The following GNS variants were observed in gnomAD, a reference collection of about 807,000 sequenced individuals.
The protein encoded by GNS is glucosamine (N-acetyl)-6-sulfatase.
A neutral mutation model predicts 69.7 loss-of-function variants in GNS; 40 were observed. That is an observed-to-expected ratio of 0.57 (90% confidence interval 0.45 to 0.75). The LOEUF (loss-of-function observed/expected upper bound fraction) is 0.75. Among genes scored for constraint, GNS ranks in the 30% least tolerant of loss-of-function variants. The probability of loss-of-function intolerance (pLI) is 0.00; values close to 1 mark genes in which losing one functional copy is unlikely to be tolerated. For synonymous variants in GNS, 243 were observed against 251.6 expected (o/e 0.97, Z 0.32); for missense variants, 565 against 685.5 (o/e 0.82, Z 1.96).
chr12:64,739,565 A>C, intron 7 of GNS, 66 bp from the exon 8 acceptor site: 1 of 464,334 alleles, frequency 2.2e-6, no homozygotes, highest in Non-Finnish European at 4.1e-6. Context: ...CTATCTTGCC[A>C]AAAAAAAAAA....
At chr12:64,721,301 A>G (rs1869019674) in intron 12 of GNS, among the ~76,000 whole-genome samples, 1 of 152,230 alleles carries the variant, frequency 6.6e-6, no homozygotes, top group Non-Finnish European at 1.5e-5. Flanking sequence ...GCTCCAACCA[A>G]TCTACCAGGG....
At position 64,759,208 on chromosome 12, in the gene GNS, G is replaced by A. The variant is rs1870390898; in HGVS notation, c.69C>T (p.Ser23=). 6.5e-6 allele frequency: 10 copies of A among 1,547,340 alleles called. No individual in the cohort carries two copies. The highest frequency in any genetic ancestry group is 7.9e-6 in the Non-Finnish European group (9 of 1,145,720). The change falls in exon 1 of 14, where the codon AGC becomes AGT. Residue 23 remains serine (S), a synonymous_variant. Transcript: ENST00000258145. Reference sequence around the variant, plus strand: ...CCAGCACCAGCAGTAGCAGCGCTGGGCTGCAGGAGGGCAGGTGGCGGGGGC... The same window carrying A: ...CCAGCACCAGCAGTAGCAGCGCTGGACTGCAGGAGGGCAGGTGGCGGGGGC... ...RGSPRHLPSC[S]PALLLLVLGG... is the part of the protein sequence containing the mutation.
chr12:64,734,143 A>G (rs929813662), intron 9 of GNS, among the ~76,000 whole-genome samples: 2 of 152,222 alleles, frequency 1.3e-5, no homozygotes, highest in Non-Finnish European at 2.9e-5. Flanking sequence ...GGGGCATTTC[A>G]TGCTTCTCAA....
intron 3 of GNS, 90 bp from the exon 4 acceptor site, chr12:64,745,814 A>G (rs1338185935): frequency 1.2e-6 from 1 of 822,592 alleles, no homozygotes; most frequent in African/African-American, 1.7e-5. Context: ...TTTTTAGACC[A>G]GTGCCTGAAA....
At chr12:64,739,564 C>CAA (rs368881275) in intron 7 of GNS, 65 bp from the exon 8 acceptor site, 4,308 of 297,644 alleles carry the variant, frequency 0.014, 4 homozygotes, top group South Asian at 0.031. Context: ...ACTATCTTGC[C>CAA]AAAAAAAAAA....
At chr12:64,720,241 C>T (rs1868982950) in intron 12 of GNS, 59 bp from the exon 13 acceptor site, 8 of 1,122,820 alleles carry the variant, frequency 7.1e-6, no homozygotes, top group Middle Eastern at 2.8e-4. Flanking sequence ...TGAAGAAATA[C>T]TCTTAACGTG....
Position 64,721,638 on chromosome 12 carries a change from G to C in GNS, c.1376C>G (p.Ser459Ter). The C allele has an allele frequency of 6.3e-7, 1 of 1,598,292 alleles. No individual in the cohort carries two copies. The highest frequency in any genetic ancestry group is 8.6e-7 in the Non-Finnish European group (1 of 1,165,540). ...NNTYACVRTM[S>*]ALWNLQYCEF... is the part of the protein sequence containing the mutation. ...GCAATACTGCAAATTCCACAATGCT[G>C]ACATTGTCCTCACACAGGCATAGGT... The change falls in exon 12 of 14, where the codon TCA becomes TGA. Residue 459 changes from serine to a stop codon, truncating the protein, a stop_gained. Transcript: ENST00000258145. LOFTEE classifies it high-confidence loss of function.
rs1415171922 is a variant in GNS at position 64,743,253 on chromosome 12, A to C, written c.680T>G (p.Met227Arg). 6.2e-7 allele frequency: 1 copy of C among 1,613,112 alleles called. No homozygotes were observed. The highest frequency in any genetic ancestry group is 8.5e-7 in the Non-Finnish European group (1 of 1,179,226). ...DYKSNFEPFF[M>R]MIATPAPHSP... Reference sequence around the variant, plus strand: ...ATGAGGCGCTGGAGTGGCGATCATCATGAAGAAGGGCTCAAAGTTGGACTT... The same window carrying C: ...ATGAGGCGCTGGAGTGGCGATCATCCTGAAGAAGGGCTCAAAGTTGGACTT... The change falls in exon 6 of 14, where the codon ATG becomes AGG. Residue 227 changes from methionine (M) to arginine (R), a missense_variant. Transcript: ENST00000258145.
At position 64,759,235 on chromosome 12, in the gene GNS, G is replaced by A. The variant is rs925458413; in HGVS notation, c.42C>T (p.Gly14=). The A allele has an allele frequency of 2.2e-5, 34 of 1,542,696 alleles. No individual in the cohort carries two copies. The Admixed American group carries it at 3.2e-4, about 14-fold the overall frequency. The change falls in exon 1 of 14, where the codon GGC becomes GGT. Residue 14 remains glycine (G), a synonymous_variant. Transcript: ENST00000258145. Reference sequence around the variant, plus strand: ...TGCAGGAGGGCAGGTGGCGGGGGCTGCCCCGCCGGAGCCGACCTGGGGCTA... The same window carrying A: ...TGCAGGAGGGCAGGTGGCGGGGGCTACCCCGCCGGAGCCGACCTGGGGCTA... ...LPLAPGRLRR[G]SPRHLPSCSP... is the part of the protein sequence containing the mutation.
chr12:64,757,756 C>T (rs1006726253), intron 1 of GNS, among the ~76,000 whole-genome samples: 15 of 152,068 alleles, frequency 9.9e-5, no homozygotes, highest in South Asian at 4.1e-4. Context: ...CTATTCTATT[C>T]CAGAGGAAAT....
chr12:64,753,741 CCATAAA>C (rs1870153847), intron 1 of GNS, among the ~76,000 whole-genome samples: 1 of 152,142 alleles, frequency 6.6e-6, no homozygotes, highest in Non-Finnish European at 1.5e-5. Flanking sequence ...CCTACGGAAT[CCATAAA>C]CTCAAAAGGA....
In GNS at chr12:64,759,367, T is replaced by C; in HGVS notation, c.-91A>G. 1.1e-6 allele frequency: 1 copy of C among 876,220 alleles called. No individual in the cohort carries two copies. The highest frequency in any genetic ancestry group is 1.7e-6 in the Non-Finnish European group (1 of 589,684). 54.3% of individuals were successfully genotyped at this position (876,220 alleles called of 1,614,324 possible). Reference sequence around the variant, plus strand: ...GCGAGAGGCCGACCAGCCGAAGGAATAAAAAGCCGTGCCTTGAAGGCCGGT... The same window carrying C: ...GCGAGAGGCCGACCAGCCGAAGGAACAAAAAGCCGTGCCTTGAAGGCCGGT... On this transcript the variant is annotated 5_prime_UTR_variant, in exon 1 of 14. Transcript: ENST00000258145.
chr12:64,717,561 C>T (rs1272880919), intron 13 of GNS, among the ~76,000 whole-genome samples: 2 of 147,886 alleles, frequency 1.4e-5, no homozygotes, highest in Non-Finnish European at 1.5e-5. Context: ...AAGAGTTTCA[C>T]CATGTTGCCC....
At chr12:64,748,803 C>A (rs1384857772) in intron 2 of GNS, among the ~76,000 whole-genome samples, 1 of 152,106 alleles carries the variant, frequency 6.6e-6, no homozygotes, top group Non-Finnish European at 1.5e-5. Context: ...CTTGGACCAG[C>A]AGGGAAGGAA....
chr12:64,737,198 A>G, intron 8 of GNS, 91 bp from the exon 9 acceptor site: 1 of 785,754 alleles, frequency 1.3e-6, no homozygotes, highest in South Asian at 1.4e-5. Context: ...GCCAAAACTA[A>G]AACAACTTTG....
At chr12:64,717,986 G>A (rs1275233173) in intron 13 of GNS, among the ~76,000 whole-genome samples, 1 of 152,014 alleles carries the variant, frequency 6.6e-6, no homozygotes, top group Non-Finnish European at 1.5e-5. Context: ...AATATTTTAG[G>A]GTATGGGAGC....
chr12:64,748,204 T>G (rs1442555544), intron 2 of GNS, among the ~76,000 whole-genome samples: 2 of 146,374 alleles, frequency 1.4e-5, no homozygotes. Flanking sequence ...GAGATAGTTG[T>G]TTTTTTTTTT....
intron 4 of GNS, among the ~76,000 whole-genome samples, chr12:64,745,448 G>C (rs1468144302): frequency 6.6e-6 from 1 of 151,996 alleles, no homozygotes; most frequent in Non-Finnish European, 1.5e-5. Context: ...TCGAACTCCT[G>C]AACTCAAGAG....
chr12:64,729,236 A>C, intron 9 of GNS, 179 bp from the exon 10 acceptor site: 1 of 620,584 alleles, frequency 1.6e-6, no homozygotes, highest in Non-Finnish European at 2.9e-6. Flanking sequence ...CTTCAAACAA[A>C]ATATAAAGGC....
Sources: gnomAD v4.1 joint callset for allele counts (sites outside exome capture counted in the v4.1 genomes callset) on GRCh38, gnomAD v4.1.1 for gene constraint, MANE v1.5 for transcripts, NCBI Gene and HGNC (gene_info 2026-07-23, HGNC 2026-07-21) for gene names.